Variants in ZFAND3 observed in about 807,000 individuals in gnomAD.
ZFAND3 encodes zinc finger AN1-type containing 3, also known as AN1-type zinc finger protein 3.
Under a neutral mutation model 29.6 loss-of-function variants are expected in ZFAND3, and 10 were observed. The observed-to-expected ratio is 0.34, with a 90% CI of 0.21 to 0.57. The LOEUF is 0.57. Among genes scored for constraint, ZFAND3 ranks in the 20% least tolerant of loss-of-function variants. ZFAND3 has a pLI of 0.86. For synonymous variants in ZFAND3, 128 were observed against 112.6 expected (o/e 1.14, Z -0.87); for missense variants, 230 against 304.5 (o/e 0.76, Z 1.82).
chr6:37,928,062 A>G (rs1375794819), intron 1 of ZFAND3, among the ~76,000 whole-genome samples: 1 of 152,168 alleles, frequency 6.6e-6, no homozygotes, highest in African/African-American at 2.4e-5. Flanking sequence ...CATCTTATTC[A>G]CTTGTTGATA....
chr6:37,985,953 C>T (rs1429795121), intron 2 of ZFAND3, among the ~76,000 whole-genome samples: 1 of 152,174 alleles, frequency 6.6e-6, no homozygotes, highest in South Asian at 2.1e-4. Flanking sequence ...TATCAAGCAC[C>T]TCCTGTGCTA....
rs115428205 is a variant in ZFAND3, at chr6:37,857,530, A to G, written c.71+37514A>G. 2.5e-3 allele frequency among the ~76,000 whole-genome samples: 386 copies of G among 152,332 alleles called. 2 individuals are homozygous for G. The highest frequency in any genetic ancestry group is 9.1e-3 in the African/African-American group (377 of 41,586). ...CATGGGGCAGTTTTTTTGGATTTAT[A>G]AATTGGATTGAATCTCAAAAATTCA... On this transcript the variant is annotated intron_variant, in intron 1 of 5. Transcript: ENST00000287218.
intron 2 of ZFAND3, among the ~76,000 whole-genome samples, chr6:37,973,577 A>G (rs922867174): frequency 8.5e-5 from 13 of 152,184 alleles, no homozygotes; most frequent in Non-Finnish European, 1.3e-4. Flanking sequence ...TGCATTTTCC[A>G]TTTTATTTAA....
intron 1 of ZFAND3, among the ~76,000 whole-genome samples, chr6:37,893,374 A>G (rs1187997300): frequency 6.6e-6 from 1 of 152,248 alleles, no homozygotes; most frequent in African/African-American, 2.4e-5. Context: ...ATTTTATGAA[A>G]CAACACTTTT....
Position 38,061,745 on chromosome 6 carries a change from C to T in ZFAND3, c.265C>T (p.Leu89=), listed in dbSNP as rs377006634. 4.2e-5 allele frequency: 68 copies of T among 1,614,126 alleles called. No individual in the cohort carries two copies. In the African/African-American group the frequency reaches 7.6e-4, roughly 18 times the overall value. The change falls in exon 3 of 6, where the codon CTG becomes TTG. Residue 89 remains leucine, a synonymous_variant. Coordinates refer to ENST00000287218, the MANE Select transcript of ZFAND3 (RefSeq NM_021943.3). ...SPSQQPLPTE[L]NVTSPSKEEC... is the part of the protein sequence containing the mutation. ...CAGCCAGCAGCCGCTTCCGACAGAA[C>T]TGAATGTAACTTCACCGAGTAAAGA... is the stretch of plus-strand genomic sequence containing the variant.
intron 1 of ZFAND3, among the ~76,000 whole-genome samples, chr6:37,858,784 C>T (rs1003545708): frequency 2.6e-5 from 4 of 152,122 alleles, no homozygotes; most frequent in African/African-American, 9.7e-5. Context: ...TTTGGGGCAG[C>T]GTTTTGAAGA....
chr6:37,882,699 C>T (rs1182697013), intron 1 of ZFAND3, among the ~76,000 whole-genome samples: 3 of 151,240 alleles, frequency 2.0e-5, no homozygotes, highest in African/African-American at 7.3e-5. Flanking sequence ...CATGGCCAGA[C>T]TAGGTTAGCC....
chr6:38,109,233 A>G (rs1429901867), intron 4 of ZFAND3, among the ~76,000 whole-genome samples: 1 of 138,884 alleles, frequency 7.2e-6, no homozygotes, highest in Non-Finnish European at 1.5e-5. Flanking sequence ...CCGAGGCTGG[A>G]GTGCAATGGC....
At chr6:37,982,043 G>C (rs1008230081) in intron 2 of ZFAND3, among the ~76,000 whole-genome samples, 2 of 152,052 alleles carry the variant, frequency 1.3e-5, no homozygotes, top group Admixed American at 6.6e-5. Flanking sequence ...TACAAGGATA[G>C]TCATTTATGC....
chr6:38,148,136 G>A (rs1562017963), intron 5 of ZFAND3, among the ~76,000 whole-genome samples: 1 of 152,120 alleles, frequency 6.6e-6, no homozygotes, highest in Non-Finnish European at 1.5e-5. Context: ...ATTTTTGTGT[G>A]TGGTGAAAGA....
intron 2 of ZFAND3, among the ~76,000 whole-genome samples, chr6:38,030,067 T>G (rs1469848946): frequency 6.6e-5 from 2 of 30,168 alleles, no homozygotes; most frequent in African/African-American, 1.7e-4. Flanking sequence ...TATATATATA[T>G]ATATATATAT....
At chr6:38,123,406 C>T (rs1045587954) in intron 5 of ZFAND3, among the ~76,000 whole-genome samples, 2 of 152,182 alleles carry the variant, frequency 1.3e-5, no homozygotes, top group African/African-American at 4.8e-5. Flanking sequence ...CTGTCAGGAA[C>T]ATTTGGCATT....
rs147293105 is a variant in ZFAND3, at chr6:38,000,665, G to A, written c.113-60928G>A. Among the ~76,000 whole-genome samples, 47 of 152,208 alleles carry A rather than the reference G, an allele frequency of 3.1e-4. 1 individual carries two copies. Among genetic ancestry groups the A allele is most frequent in the Admixed American group, 7.9e-4 (12 of 15,280 alleles). ...CTCCCACTTGTCCCTCCCATGACAC[G>A]TAGGAATTATTCTCTAGTAAAACAA... On this transcript the variant is annotated intron_variant, in intron 2 of 5. Coordinates refer to ENST00000287218, the MANE Select transcript of ZFAND3 (RefSeq NM_021943.3).
At chr6:38,127,652 AC>A (rs1261887515) in intron 5 of ZFAND3, among the ~76,000 whole-genome samples, 4 of 151,650 alleles carry the variant, frequency 2.6e-5, no homozygotes, top group African/African-American at 7.3e-5. Context: ...ATCACGTACC[AC>A]CAGAATTAGA....
intron 1 of ZFAND3, among the ~76,000 whole-genome samples, chr6:37,879,089 A>G (rs1329784521): frequency 1.3e-5 from 2 of 152,210 alleles, no homozygotes; most frequent in Admixed American, 6.5e-5. Context: ...GTATTAGCCA[A>G]AGTAAATTGA....
chr6:37,919,459 T>A (rs1171815195), intron 1 of ZFAND3, among the ~76,000 whole-genome samples: 1 of 152,232 alleles, frequency 6.6e-6, no homozygotes, highest in South Asian at 2.1e-4. Context: ...TTATTTAATA[T>A]TTACCAAGCC....
intron 2 of ZFAND3, among the ~76,000 whole-genome samples, chr6:37,982,219 T>C (rs1377813104): frequency 6.6e-6 from 1 of 151,544 alleles, no homozygotes; most frequent in Non-Finnish European, 1.5e-5. Context: ...TTTTTTTTTT[T>C]TAATCTTTGT....
chr6:37,835,464 GTTTTTTTT>G (rs373349669), intron 1 of ZFAND3, among the ~76,000 whole-genome samples: 1 of 137,156 alleles, frequency 7.3e-6, no homozygotes, highest in African/African-American at 2.7e-5. Flanking sequence ...GCCTGTAAGA[GTTTTTTTT>G]TTTTTTTTTT....
chr6:37,938,227 G>A (rs554158412), intron 2 of ZFAND3, among the ~76,000 whole-genome samples: 1 of 152,060 alleles, frequency 6.6e-6, no homozygotes, highest in Non-Finnish European at 1.5e-5. Context: ...ATGTTGACAC[G>A]TTGCTCTTGT....
Sources: allele counts gnomAD v4.1 joint callset (sites outside exome capture counted in the v4.1 genomes callset), GRCh38; gene constraint gnomAD v4.1.1; transcripts MANE v1.5; gene names NCBI Gene and HGNC (gene_info 2026-07-23, HGNC 2026-07-21).